LRRC49: variants seen among roughly 807,000 people sequenced by gnomAD.
The protein encoded by LRRC49 is leucine rich repeat containing 49, also known as leucine-rich repeat-containing protein 49.
In LRRC49, 50 loss-of-function variants were observed where a neutral mutation model predicts 83.3. The ratio of observed to expected loss-of-function variants is 0.60; its 90% confidence interval spans 0.48 to 0.76. The LOEUF (loss-of-function observed/expected upper bound fraction) is 0.76, where lower values mean the gene tolerates loss of function less well. Ranked by LOEUF, LRRC49 falls within the 30% of genes least tolerant of loss-of-function variation. The pLI is 0.00. For missense variants in LRRC49, 704 were observed against 809.1 expected, an observed-to-expected ratio of 0.87 and a Z score of 1.58; for synonymous variants, 286 against 283.3, an observed-to-expected ratio of 1.01 and a Z score of -0.10.
chr15:70,866,833 A>G (rs973092081), intron 1 of LRRC49, among the ~76,000 whole-genome samples: 1 of 152,060 alleles, frequency 6.6e-6, no homozygotes, highest in African/African-American at 2.4e-5. Context: ...CTTATTCTCC[A>G]GATTTGAATC....
chr15:70,854,879 C>T (rs1298152850), intron 1 of LRRC49, among the ~76,000 whole-genome samples: 1 of 152,172 alleles, frequency 6.6e-6, no homozygotes, highest in African/African-American at 2.4e-5. Flanking sequence ...AGAGTATGCC[C>T]TGCACATAGT....
rs548659683 is a variant in LRRC49 at position 71,029,715 on chromosome 15, G to A, written c.1704-7464G>A. ...GAATCTGGGTGCTCCCGTATTAGAC[G>A]CATATATATTTAGGATAGTTAGCTC... On this transcript the variant is annotated intron_variant, in intron 14 of 15. Coordinates refer to ENST00000260382, the MANE Select transcript of LRRC49 (RefSeq NM_017691.5). Among the ~76,000 whole-genome samples, 20 of 152,232 alleles carry A rather than the reference G, an allele frequency of 1.3e-4. No individual in the cohort carries two copies. In the South Asian group the frequency reaches 3.3e-3, roughly 25 times the overall value.
intron 7 of LRRC49, among the ~76,000 whole-genome samples, chr15:70,923,674 A>G (rs1352464549): frequency 6.6e-6 from 1 of 151,794 alleles, no homozygotes; most frequent in Non-Finnish European, 1.5e-5. Context: ...ATTTGATATA[A>G]TTTCAGAAAA....
intron 14 of LRRC49, among the ~76,000 whole-genome samples, chr15:71,016,700 A>G (rs1279084768): frequency 6.6e-6 from 1 of 152,122 alleles, no homozygotes; most frequent in Non-Finnish European, 1.5e-5. Flanking sequence ...CTTCATACCA[A>G]TAATAAGCTG....
chr15:70,893,629 G>GA lies in LRRC49; in HGVS notation c.101dup (p.Asn34LysfsTer4), dbSNP rs769868170. 1.2e-6 allele frequency: 2 copies of GA among 1,608,460 alleles called. No individual in the cohort carries two copies. The highest frequency in any genetic ancestry group is 1.7e-4 in the Middle Eastern group (1 of 6,038). On this transcript the variant is annotated frameshift_variant, in exon 2 of 16. Coordinates refer to ENST00000260382, the MANE Select transcript of LRRC49 (RefSeq NM_017691.5). LOFTEE classifies it high-confidence loss of function. ...GGTTATTCAAACATCATCGCTTCCT[G>GA]AAAAAAACAAAGTAAGATTTAAGAA... is the stretch of plus-strand genomic sequence containing the variant.
intron 11 of LRRC49, among the ~76,000 whole-genome samples, chr15:70,986,804 G>T (rs985414424): frequency 1.3e-5 from 2 of 152,088 alleles, no homozygotes; most frequent in Non-Finnish European, 2.9e-5. Flanking sequence ...TTTGAGATAC[G>T]TCTCATCAAT....
chr15:70,903,874 C>T (rs370515942), intron 4 of LRRC49, among the ~76,000 whole-genome samples: 11 of 152,208 alleles, frequency 7.2e-5, no homozygotes, highest in African/African-American at 2.6e-4. Flanking sequence ...TAGCTCAAAG[C>T]ATATATTTTT....
intron 14 of LRRC49, among the ~76,000 whole-genome samples, chr15:71,025,396 C>T (rs2039132436): frequency 6.6e-6 from 1 of 152,132 alleles, no homozygotes; most frequent in South Asian, 2.1e-4. Context: ...AAAGCCATTA[C>T]CAGCCACTGC....
rs777243771 is a variant in LRRC49, at chr15:70,892,959, A to G, written c.48+17A>G. 6.8e-6 allele frequency: 11 copies of G among 1,613,860 alleles called. No homozygotes were observed. The Admixed American group carries it at 1.0e-4, about 15-fold the overall frequency. Reference sequence around the variant, plus strand: ...GCGAACAACGTAAGTTGGGCCTTCTACTTTCTCTTTCTTCCCACTGGTACT... The same window carrying G: ...GCGAACAACGTAAGTTGGGCCTTCTGCTTTCTCTTTCTTCCCACTGGTACT... On this transcript the variant is annotated intron_variant, in intron 1 of 15. Coordinates refer to ENST00000260382, the MANE Select transcript of LRRC49 (RefSeq NM_017691.5).
At chr15:70,891,390 A>T (rs146311010), upstream of LRRC49, among the ~76,000 whole-genome samples, 46 of 152,264 alleles carry the variant, frequency 3.0e-4, no homozygotes, top group Non-Finnish European at 5.7e-4. Flanking sequence ...GTAGCTCCAC[A>T]TCTCCTTCGC....
intron 1 of LRRC49, chr15:70,854,037 T>C (rs980785389): frequency 9.7e-6 from 14 of 1,446,360 alleles, no homozygotes; most frequent in Non-Finnish European, 1.2e-5. Flanking sequence ...GCGACGCGGA[T>C]CTGCACCGCC....
chr15:71,020,811 A>G (rs1039129465), intron 14 of LRRC49, among the ~76,000 whole-genome samples: 3 of 152,256 alleles, frequency 2.0e-5, no homozygotes, highest in African/African-American at 7.2e-5. Flanking sequence ...TCTTACACTA[A>G]AAGAAATTAT....
At chr15:70,945,202 C>T (rs1405682468) in intron 8 of LRRC49, among the ~76,000 whole-genome samples, 1 of 152,182 alleles carries the variant, frequency 6.6e-6, no homozygotes, top group East Asian at 1.9e-4. Context: ...CTGTCTCTAG[C>T]TCCACTTCCC....
At chr15:70,977,444 A>G (rs928580753) in intron 9 of LRRC49, among the ~76,000 whole-genome samples, 1 of 152,190 alleles carries the variant, frequency 6.6e-6, no homozygotes, top group Non-Finnish European at 1.5e-5. Context: ...TAGGCGTTTG[A>G]GACCAGCCTG....
chr15:70,993,211 A>T (rs939630245), intron 11 of LRRC49, among the ~76,000 whole-genome samples: 10 of 152,180 alleles, frequency 6.6e-5, no homozygotes, highest in Non-Finnish European at 1.5e-4. Flanking sequence ...CTGGTGTGCC[A>T]TTTGTTAAGA....
At chr15:71,001,793 A>T (rs1596124361) in intron 11 of LRRC49, among the ~76,000 whole-genome samples, 1 of 151,632 alleles carries the variant, frequency 6.6e-6, no homozygotes, top group Admixed American at 6.6e-5. Context: ...CCAGGTTCAC[A>T]CCATTCTCCT....
intron 14 of LRRC49, among the ~76,000 whole-genome samples, chr15:71,036,924 G>GT (rs1036901458): frequency 2.0e-5 from 3 of 152,130 alleles, no homozygotes; most frequent in Admixed American, 6.6e-5. Context: ...TTAAAGGAGA[G>GT]TTTTTTCATT....
chr15:70,891,934 T>TC, upstream of LRRC49: 1 of 1,613,770 alleles, frequency 6.2e-7, no homozygotes, highest in Non-Finnish European at 8.5e-7. Context: ...CCTGGAGCTC[T>TC]CCTCGCGTGT....
At chr15:70,978,203 T>G (rs2037275556) in intron 9 of LRRC49, among the ~76,000 whole-genome samples, 1 of 151,634 alleles carries the variant, frequency 6.6e-6, no homozygotes, top group African/African-American at 2.4e-5. Flanking sequence ...TTCTCTAACT[T>G]CAGTGAATTA....
Sources: allele counts gnomAD v4.1 joint callset (sites outside exome capture counted in the v4.1 genomes callset), GRCh38; gene constraint gnomAD v4.1.1; transcripts MANE v1.5; gene names NCBI Gene and HGNC (gene_info 2026-07-23, HGNC 2026-07-21).